The following KCP variants were observed in gnomAD, a reference collection of about 807,000 sequenced individuals.
KCP encodes kielin/chordin-like protein.
A neutral mutation model predicts 212.7 loss-of-function variants in KCP; 194 were observed. The ratio of observed to expected loss-of-function variants is 0.91; its 90% CI spans 0.81 to 1.03. KCP has a LOEUF of 1.03. KCP is among the 50% of genes least tolerant of loss of function. KCP has a pLI of 0.00. For synonymous variants in KCP, 833 were observed against 865.3 expected (o/e 0.96, Z 0.65); for missense variants, 2,080 against 2,162.5 (o/e 0.96, Z 0.76).
At position 128,887,956 on chromosome 7, in the gene KCP, C is replaced by T. The variant is rs1424774029; in HGVS notation, c.2513-656G>A. Among the ~76,000 whole-genome samples the T allele has an allele frequency of 5.3e-5, 8 of 149,720 alleles. No individual in the cohort carries two copies. The East Asian group carries it at 1.4e-3, about 26-fold the overall frequency. On this transcript the variant is annotated intron_variant, in intron 22 of 39. Coordinates refer to ENST00000610776, the MANE Select transcript of KCP (RefSeq NM_001366122.1). The stretch of plus-strand genomic sequence containing the variant: ...ACAAACACATAGCCACACACACATC[C>T]CCACATACACAGATGCACACACACC...
intron 8 of KCP, among the ~76,000 whole-genome samples, chr7:128,897,879 A>C (rs1411764598): frequency 6.6e-6 from 1 of 152,224 alleles, no homozygotes; most frequent in Non-Finnish European, 1.5e-5. Flanking sequence ...CCTAAAGTAA[A>C]ATGACTGGTT....
Position 128,893,788 on chromosome 7 carries a change from AC to A in KCP, c.1099+17del. ...GCCAAGGCCTGCCCCTCCCGCAGAGACCCCGGCCCCCACTCACCATCGCAGA... is the reference window on the plus strand; with the variant it reads ...GCCAAGGCCTGCCCCTCCCGCAGAGACCCGGCCCCCACTCACCATCGCAGA... On this transcript the variant is annotated intron_variant, in intron 11 of 39. Coordinates refer to ENST00000610776, the MANE Select transcript of KCP (RefSeq NM_001366122.1). The A allele has an allele frequency of 1.3e-6, 2 of 1,547,284 alleles. No homozygotes were observed. Among genetic ancestry groups the A allele is most frequent in the Non-Finnish European group, 8.7e-7 (1 of 1,145,518 alleles).
In KCP at chr7:128,891,197, GGCA is replaced by G; in HGVS notation, c.1957_1959del (p.Cys653del). The G allele has an allele frequency of 6.5e-7, 1 of 1,543,886 alleles. No homozygotes were observed. The highest frequency in any genetic ancestry group is 8.7e-7 in the Non-Finnish European group (1 of 1,146,554). ...GTGCGGCCCCTACCTGGGCACTGCG[GGCA>G]GCACTCTCCCGGCAGCAGGACAGGC... On this transcript the variant is annotated inframe_deletion, in exon 19 of 40. Coordinates refer to ENST00000610776, the MANE Select transcript of KCP (RefSeq NM_001366122.1).
At chr7:128,897,753 G>C (rs577884014) in intron 8 of KCP, among the ~76,000 whole-genome samples, 137 of 152,294 alleles carry the variant, frequency 9.0e-4, no homozygotes, top group Admixed American at 8.2e-3. Flanking sequence ...TGGAGCTTTA[G>C]ATTCTAGATA....
intron 37 of KCP, 53 bp downstream of exon 37, chr7:128,879,469 C>T: frequency 6.8e-7 from 1 of 1,472,812 alleles, no homozygotes; most frequent in African/African-American, 1.4e-5. Context: ...GAGGCCTAAA[C>T]AGGACTGAAG....
chr7:128,898,367 C>T (rs528077921), intron 8 of KCP, among the ~76,000 whole-genome samples: 5 of 152,210 alleles, frequency 3.3e-5, no homozygotes, highest in African/African-American at 1.2e-4. Flanking sequence ...CACTATGACT[C>T]TTAACTATAC....
intron 7 of KCP, chr7:128,903,172 T>A: frequency 2.3e-6 from 1 of 428,460 alleles, no homozygotes; most frequent in Non-Finnish European, 4.2e-6. Context: ...ACCCTCCGTG[T>A]CAGGGCCACG....
chr7:128,880,513 C>T lies in KCP; in HGVS notation c.3632G>A (p.Cys1211Tyr). The part of the protein sequence containing the change: ...CERCQAPTQS[C>Y]VHQGREVASG... ...GGCCACCTCACGGCCCTGGTGCACG[C>T]AGGACTGGGTGGGAGCTGAAGGGAT... is the stretch of plus-strand genomic sequence containing the variant. Residue 1211 changes from cysteine to tyrosine, a missense_variant, in exon 34 of 40, where the codon TGC becomes TAC. By Grantham distance (194) the Cys-to-Tyr change is radical. Transcript: ENST00000610776. 6.6e-7 allele frequency: 1 copy of T among 1,509,602 alleles called. No individual in the cohort carries two copies. The highest frequency in any genetic ancestry group is 2.1e-4 in the Middle Eastern group (1 of 4,762). The allele number at this position is 1,509,602 out of a possible 1,614,324, so 93.5% of individuals were successfully genotyped here.
chr7:128,891,172 G>A lies in KCP; in HGVS notation c.1972+13C>T. 6.5e-7 allele frequency: 1 copy of A among 1,541,758 alleles called. No individual in the cohort carries two copies. The highest frequency in any genetic ancestry group is 1.2e-5 in the South Asian group (1 of 83,980). ...ACCCCCAGGGAGGAGCAGCCGAGGG[G>A]TGCGGCCCCTACCTGGGCACTGCGG... is the stretch of plus-strand genomic sequence containing the variant. On this transcript the variant is annotated intron_variant, in intron 19 of 39. Coordinates refer to ENST00000610776, the MANE Select transcript of KCP (RefSeq NM_001366122.1).
intron 38 of KCP, 143 bp downstream of exon 38, chr7:128,878,415 C>G (rs1447877650): frequency 2.2e-6 from 2 of 896,370 alleles, no homozygotes; most frequent in Non-Finnish European, 3.3e-6. Flanking sequence ...AGGCAAGAAG[C>G]CCCCACACCT....
chr7:128,885,359 G>A (rs907025671), intron 26 of KCP, 89 bp from the exon 27 acceptor site: 14 of 1,343,412 alleles, frequency 1.0e-5, no homozygotes, highest in African/African-American at 1.4e-5. Flanking sequence ...AGCTAGGCAC[G>A]TGGCGCCAGG....
chr7:128,902,750 C>G (rs73238183), intron 8 of KCP, 27 bp downstream of exon 8: 212 of 1,544,944 alleles, frequency 1.4e-4, no homozygotes, highest in Non-Finnish European at 1.8e-4. Flanking sequence ...GGGAGGGGGA[C>G]AGACCAGGAG....
Position 128,879,733 on chromosome 7 carries a change from C to G in KCP, c.4029G>C (p.Gln1343His). ...LLGDMAVRLL[Q>H]DGAVTVDGHP... ...CTTTGCTCACCGTGACTGCCCCGTC[C>G]TGCAGCAGCCGCACGGCCATGTCTC... Residue 1343 changes from glutamine (Q) to histidine (H), a missense_variant, in exon 36 of 40, where the codon CAG (glutamine) becomes CAC (histidine). By Grantham distance (24) the Gln-to-His change is conservative. Coordinates refer to ENST00000610776, the MANE Select transcript of KCP (RefSeq NM_001366122.1). The G allele has an allele frequency of 6.5e-7, 1 of 1,550,250 alleles. No individual in the cohort carries two copies. The highest frequency in any genetic ancestry group is 8.7e-7 in the Non-Finnish European group (1 of 1,146,988).
chr7:128,909,334 C>T (rs975544298), intron 1 of KCP, among the ~76,000 whole-genome samples: 1 of 152,136 alleles, frequency 6.6e-6, no homozygotes, highest in African/African-American at 2.4e-5. Context: ...GTCTTTCCCA[C>T]CATGGCAGCT....
rs1433766543 is a variant in KCP at position 128,877,248 on chromosome 7, G to T, written c.4682C>A (p.Thr1561Asn). ...FDECGPPCPR[T>N]CFNQHIPLGE... ...CAGGGGGATATGCTGATTGAAGCAG[G>T]TGCGGGGACAGGGTGGGCCGCACTC... Residue 1561 changes from threonine (T) to asparagine (N), a missense_variant, in exon 40 of 40, where the codon ACC (threonine) becomes AAC (asparagine). By Grantham distance (65) the Thr-to-Asn change is moderately conservative. Coordinates refer to ENST00000610776, the MANE Select transcript of KCP (RefSeq NM_001366122.1). 3 of 1,487,648 alleles carry T rather than the reference G, an allele frequency of 2.0e-6. No homozygotes were observed. Among genetic ancestry groups the T allele is most frequent in the Non-Finnish European group, 2.7e-6 (3 of 1,119,272 alleles). 92.2% of individuals were successfully genotyped at this position (1,487,648 alleles called of 1,614,324 possible).
Position 128,888,819 on chromosome 7 carries a change from C to T in KCP, c.2512+44G>A, listed in dbSNP as rs192106399. 70 of 1,527,960 alleles carry T rather than the reference C, an allele frequency of 4.6e-5. 2 individuals carry two copies. The highest frequency in any genetic ancestry group is 1.4e-4 in the African/African-American group (10 of 72,544). 94.7% of individuals were successfully genotyped at this position (1,527,960 alleles called of 1,614,324 possible). On this transcript the variant is annotated intron_variant, in intron 22 of 39. Transcript: ENST00000610776. ...AGTGGAATCGGTGAGAAAGGCACCC[C>T]GGGAGCCCCAGCAGGGGGAATGGAA...
intron 8 of KCP, among the ~76,000 whole-genome samples, chr7:128,899,469 C>A (rs1006394695): frequency 3.3e-5 from 5 of 152,190 alleles, no homozygotes; most frequent in African/African-American, 7.2e-5. Context: ...ACTCAGAGAG[C>A]TGAGCTGAAA....
chr7:128,894,122 G>A lies in KCP; in HGVS notation c.926-67C>T. Reference sequence around the variant, plus strand: ...CCCCACCCTCTCCTGGCCTTCATGGGCCCCCGAGCAGGGCCACCCATCAAT... The same window carrying A: ...CCCCACCCTCTCCTGGCCTTCATGGACCCCCGAGCAGGGCCACCCATCAAT... On this transcript the variant is annotated intron_variant, in intron 9 of 39. Transcript: ENST00000610776. 8 of 1,518,856 alleles carry A rather than the reference G, an allele frequency of 5.3e-6. No homozygotes were observed. In the South Asian group the frequency reaches 6.1e-5, roughly 12 times the overall value. 94.1% of individuals were successfully genotyped at this position (1,518,856 alleles called of 1,614,324 possible). A position where few individuals can be genotyped will look rare whatever the true frequency, so the allele number is the denominator to read the frequency against.
chr7:128,884,519 G>T (rs371742989), intron 28 of KCP, among the ~76,000 whole-genome samples: 2 of 152,094 alleles, frequency 1.3e-5, no homozygotes, highest in African/African-American at 4.8e-5. Context: ...GTGGCTCTCC[G>T]GCCATACACA....
Sources: gnomAD v4.1 joint callset for allele counts (sites outside exome capture counted in the v4.1 genomes callset) on GRCh38, gnomAD v4.1.1 for gene constraint, MANE v1.5 for transcripts, NCBI Gene and HGNC (gene_info 2026-07-23, HGNC 2026-07-21) for gene names.